ADAMTS17: variants seen among roughly 807,000 people sequenced by gnomAD.
ADAMTS17 encodes the protein A disintegrin and metalloproteinase with thrombospondin motifs 17.
ADAMTS17 carries 113 observed loss-of-function variants against 141.5 expected under a neutral mutation model. That is an observed-to-expected ratio of 0.80 (90% CI 0.69 to 0.93). The LOEUF (loss-of-function observed/expected upper bound fraction) is 0.93, where lower values mean the gene tolerates loss of function less well. Ranked by LOEUF, ADAMTS17 falls within the 40% of genes least tolerant of loss-of-function variation. The probability of loss-of-function intolerance (pLI) is 0.00; values close to 1 mark genes in which losing one functional copy is unlikely to be tolerated. For synonymous variants in ADAMTS17, 768 were observed against 630.6 expected, an observed-to-expected ratio of 1.22 and a Z score of -3.27; for missense variants, 1,659 against 1,517.9, an observed-to-expected ratio of 1.09 and a Z score of -1.54.
At chr15:100,182,634 G>A (rs1469957548) in intron 8 of ADAMTS17, among the ~76,000 whole-genome samples, 5 of 152,208 alleles carry the variant, frequency 3.3e-5, no homozygotes, top group Non-Finnish European at 5.9e-5. Context: ...TAGGTACTGT[G>A]AGTGCTCACT....
intron 4 of ADAMTS17, among the ~76,000 whole-genome samples, chr15:100,263,878 T>A (rs28757848): frequency 0.049 from 7,388 of 152,262 alleles, 558 homozygotes; most frequent in African/African-American, 0.16. Flanking sequence ...GCAGCAAGCG[T>A]TAAGCACGGT....
intron 4 of ADAMTS17, among the ~76,000 whole-genome samples, chr15:100,272,272 G>A (rs904931440): frequency 6.6e-6 from 1 of 152,074 alleles, no homozygotes; most frequent in African/African-American, 2.4e-5. Flanking sequence ...AAATTGCATT[G>A]AATCTGTAAA....
chr15:100,152,968 G>A (rs142927802), intron 9 of ADAMTS17, among the ~76,000 whole-genome samples: 42 of 21,752 alleles, frequency 1.9e-3, no homozygotes, highest in African/African-American at 2.7e-3. Flanking sequence ...GTGAATCTTC[G>A]CTCTGAAGGT....
chr15:100,306,830 C>A (rs1443092297), intron 3 of ADAMTS17, among the ~76,000 whole-genome samples: 1 of 152,154 alleles, frequency 6.6e-6, no homozygotes, highest in Non-Finnish European at 1.5e-5. Flanking sequence ...CTGAGCCAAC[C>A]CAGACTTGGG....
intron 10 of ADAMTS17, among the ~76,000 whole-genome samples, chr15:100,144,948 G>C (rs1393071536): frequency 1.3e-5 from 2 of 152,062 alleles, no homozygotes; most frequent in Non-Finnish European, 2.9e-5. Context: ...AATCTACCCA[G>C]TTTCTTTTCT....
At chr15:100,040,384 G>C (rs2031139074) in intron 18 of ADAMTS17, among the ~76,000 whole-genome samples, 1 of 152,082 alleles carries the variant, frequency 6.6e-6, no homozygotes. Flanking sequence ...ATCTTTTTTG[G>C]GGCAGCGGCT....
intron 7 of ADAMTS17, among the ~76,000 whole-genome samples, chr15:100,210,350 G>C (rs1444771505): frequency 1.3e-5 from 2 of 151,902 alleles, no homozygotes; most frequent in Non-Finnish European, 2.9e-5. Flanking sequence ...GTGTGTACCA[G>C]GTCCTGCACT....
At chr15:99,982,551 G>A (rs758672057) in intron 20 of ADAMTS17, among the ~76,000 whole-genome samples, 14 of 152,224 alleles carry the variant, frequency 9.2e-5, no homozygotes, top group East Asian at 5.8e-4. Flanking sequence ...AGGCTTCAAC[G>A]TTAATTGAAC....
chr15:99,998,827 T>C (rs543356778), intron 18 of ADAMTS17, among the ~76,000 whole-genome samples: 24 of 152,268 alleles, frequency 1.6e-4, no homozygotes, highest in South Asian at 6.2e-4. Flanking sequence ...TGCCCTTTCT[T>C]GTCCTGCCTC....
intron 17 of ADAMTS17, among the ~76,000 whole-genome samples, chr15:100,050,698 G>A (rs763577468): frequency 2.0e-5 from 3 of 152,156 alleles, no homozygotes; most frequent in African/African-American, 7.2e-5. Context: ...TAGGGATGGC[G>A]GGGGCTATGC....
chr15:100,275,640 T>G (rs1002755818), intron 4 of ADAMTS17, among the ~76,000 whole-genome samples: 1 of 152,102 alleles, frequency 6.6e-6, no homozygotes, highest in Admixed American at 6.5e-5. Flanking sequence ...CCTGGCTGTG[T>G]CACGTCCCCA....
intron 10 of ADAMTS17, 127 bp from the exon 11 acceptor site, chr15:100,133,442 G>T (rs540282358): frequency 9.3e-6 from 8 of 855,894 alleles, no homozygotes; most frequent in Non-Finnish European, 1.5e-5. Context: ...GAAGCCAGAG[G>T]GTCATAAGTC....
At chr15:100,019,422 C>T (rs1037150612) in intron 18 of ADAMTS17, among the ~76,000 whole-genome samples, 2 of 151,986 alleles carry the variant, frequency 1.3e-5, no homozygotes, top group African/African-American at 4.8e-5. Context: ...GAAGTGGAGA[C>T]GTGTTTATTA....
At chr15:100,211,271 G>A (rs1156346525) in intron 7 of ADAMTS17, among the ~76,000 whole-genome samples, 5 of 143,582 alleles carry the variant, frequency 3.5e-5, no homozygotes, top group Non-Finnish European at 6.0e-5. Flanking sequence ...ACTCCAGCCC[G>A]GGCAATAGAG....
chr15:99,976,698 C>T (rs2060339896), intron 20 of ADAMTS17: 4 of 251,652 alleles, frequency 1.6e-5, no homozygotes, highest in Admixed American at 5.0e-5. Context: ...GGCTCTCCAC[C>T]GTGAGAGGAT....
intron 3 of ADAMTS17, among the ~76,000 whole-genome samples, chr15:100,315,294 TTCACCCCTCTTTTCTC>T (rs1450959760): frequency 1.3e-5 from 2 of 152,124 alleles, no homozygotes; most frequent in African/African-American, 4.8e-5. Flanking sequence ...GCTGACTCGG[TTCACCCCTCTTTTCTC>T]TCCCCCCACC....
chr15:100,130,032 G>A (rs1283708395), intron 12 of ADAMTS17, among the ~76,000 whole-genome samples: 1 of 152,092 alleles, frequency 6.6e-6, no homozygotes, highest in Non-Finnish European at 1.5e-5. Context: ...TAGCTAAACA[G>A]GGTTTCTAAT....
chr15:100,138,689 G>A (rs1365191991), intron 10 of ADAMTS17, among the ~76,000 whole-genome samples: 1 of 152,198 alleles, frequency 6.6e-6, no homozygotes, highest in African/African-American at 2.4e-5. Context: ...CAGAAGGAGA[G>A]AATAGAAAGA....
intron 19 of ADAMTS17, among the ~76,000 whole-genome samples, chr15:99,995,771 C>T (rs765128278): frequency 6.6e-6 from 1 of 152,194 alleles, no homozygotes; most frequent in African/African-American, 2.4e-5. Context: ...GTACCAGCTT[C>T]GCGAGCTTCC....
Sources: allele counts gnomAD v4.1 joint callset (sites outside exome capture counted in the v4.1 genomes callset), GRCh38; gene constraint gnomAD v4.1.1; transcripts MANE v1.5; gene names NCBI Gene and HGNC (gene_info 2026-07-23, HGNC 2026-07-21).